FANK1: variants seen among roughly 807,000 people sequenced by gnomAD.
FANK1 encodes fibronectin type III and ankyrin repeat domains 1.
A neutral mutation model predicts 45.3 loss-of-function variants in FANK1; 44 were observed. That is an observed-to-expected ratio of 0.97 (90% CI 0.76 to 1.25). The LOEUF (loss-of-function observed/expected upper bound fraction) is 1.25. FANK1 is among the 50% of genes most tolerant of loss of function. The probability of loss-of-function intolerance (pLI) is 0.00; values close to 1 mark genes in which losing one functional copy is unlikely to be tolerated. For synonymous variants in FANK1, 149 were observed against 152.5 expected, an observed-to-expected ratio of 0.98 and a Z score of 0.17; for missense variants, 391 against 424.4, an observed-to-expected ratio of 0.92 and a Z score of 0.69.
At chr10:125,917,462 G>T (rs1946536300) in intron 1 of FANK1, among the ~76,000 whole-genome samples, 1 of 152,138 alleles carries the variant, frequency 6.6e-6, no homozygotes, top group South Asian at 2.1e-4. Flanking sequence ...TAAATTTGTT[G>T]TAGTCCTCTG....
At chr10:125,994,931 C>G in intron 3 of FANK1, 1 of 985,376 alleles carries the variant, frequency 1.0e-6, no homozygotes, top group Non-Finnish European at 1.2e-6. Flanking sequence ...CCTTCTGCCC[C>G]CAGAAGCTCA....
intron 1 of FANK1, among the ~76,000 whole-genome samples, chr10:125,918,093 A>T (rs1449483892): frequency 1.5e-4 from 22 of 149,254 alleles, no homozygotes; most frequent in Non-Finnish European, 1.5e-4. Context: ...AAAGAAAAAA[A>T]AAGGGTAGTT....
intron 1 of FANK1, among the ~76,000 whole-genome samples, chr10:125,929,571 T>G (rs1182495247): frequency 1.3e-5 from 2 of 152,180 alleles, no homozygotes; most frequent in African/African-American, 4.8e-5. Flanking sequence ...ATGATCTTTA[T>G]GAAAAATTTT....
chr10:125,943,806 A>T (rs956314990), intron 1 of FANK1, among the ~76,000 whole-genome samples: 3 of 152,262 alleles, frequency 2.0e-5, no homozygotes, highest in African/African-American at 7.2e-5. Flanking sequence ...CATGTAATGT[A>T]AAAGATAAAT....
chr10:126,009,085 T>G lies in FANK1; in HGVS notation c.881T>G (p.Val294Gly), dbSNP rs1335772836. The G allele has an allele frequency of 4.3e-6, 7 of 1,614,090 alleles. No individual in the cohort carries two copies. The highest frequency in any genetic ancestry group is 5.9e-6 in the Non-Finnish European group (7 of 1,180,048). Reference protein sequence around the residue: ...VAVLNNHEELVQLLLDKGADA... With the variant: ...VAVLNNHEELGQLLLDKGADA... Reference sequence around the variant, plus strand: ...GTGTTAAATAATCATGAAGAGTTAGTTCAGTTACTTCTTGACAAAGGGGCA... The same window carrying G: ...GTGTTAAATAATCATGAAGAGTTAGGTCAGTTACTTCTTGACAAAGGGGCA... The change falls in exon 9 of 11, where the codon GTT becomes GGT. Residue 294 changes from valine to glycine, a missense_variant. Physicochemically the swap from Val to Gly is moderately radical, Grantham distance 109. Transcript: ENST00000368693.
intron 1 of FANK1, chr10:125,972,674 T>G (rs912499426): frequency 2.0e-5 from 3 of 152,162 alleles, no homozygotes; most frequent in Non-Finnish European, 4.4e-5. Context: ...GATTTACATC[T>G]TGATGAGTTT....
At chr10:125,979,478 C>G (rs758553636) in intron 1 of FANK1, among the ~76,000 whole-genome samples, 4 of 152,154 alleles carry the variant, frequency 2.6e-5, no homozygotes, top group Non-Finnish European at 5.9e-5. Context: ...ATTCATATTT[C>G]ACTACAACTG....
intron 1 of FANK1, among the ~76,000 whole-genome samples, chr10:125,939,564 AAGTT>A (rs1200948740): frequency 1.1e-4 from 16 of 152,196 alleles, no homozygotes; most frequent in Non-Finnish European, 1.9e-4. Context: ...TTTTTGAAAT[AAGTT>A]AGAACAGTGA....
intron 1 of FANK1, among the ~76,000 whole-genome samples, chr10:125,937,156 G>A (rs1230930435): frequency 2.0e-5 from 3 of 152,110 alleles, no homozygotes; most frequent in South Asian, 2.1e-4. Context: ...TGAGTGTATC[G>A]CTAAAAGTGG....
Position 126,009,559 on chromosome 10 carries a change from C to A in FANK1, c.*121C>A. On this transcript the variant is annotated 3_prime_UTR_variant, in exon 11 of 11. Coordinates refer to ENST00000368693, the MANE Select transcript of FANK1 (RefSeq NM_145235.5). ...ATTTATTTATTTAGTTGAAGATTCA[C>A]TGATCCCACTTTGAAATACATCTTT... 2 of 1,022,462 alleles carry A rather than the reference C, an allele frequency of 2.0e-6. No homozygotes were observed. The highest frequency in any genetic ancestry group is 2.9e-6 in the Non-Finnish European group (2 of 696,888). 63.3% of individuals were successfully genotyped at this position (1,022,462 alleles called of 1,614,324 possible).
intron 1 of FANK1, among the ~76,000 whole-genome samples, chr10:125,908,206 G>A (rs1470143737): frequency 1.3e-5 from 2 of 152,104 alleles, no homozygotes; most frequent in Non-Finnish European, 2.9e-5. Flanking sequence ...ATGTTGGTCA[G>A]GCTGGTCTCG....
intron 1 of FANK1, among the ~76,000 whole-genome samples, chr10:125,901,928 C>T (rs1009245637): frequency 6.6e-6 from 1 of 152,254 alleles, no homozygotes; most frequent in Non-Finnish European, 1.5e-5. Flanking sequence ...TGAGACCAGT[C>T]TGGCCAACTG....
chr10:125,997,228 C>T (rs1018623005), intron 5 of FANK1, among the ~76,000 whole-genome samples, 192 bp from the exon 6 acceptor site: 1 of 152,162 alleles, frequency 6.6e-6, no homozygotes, highest in South Asian at 2.1e-4. Context: ...TAAAAGCCCA[C>T]ATTTCTGGAA....
intron 1 of FANK1, among the ~76,000 whole-genome samples, chr10:125,938,549 C>T (rs746007290): frequency 1.3e-5 from 2 of 152,172 alleles, no homozygotes; most frequent in African/African-American, 2.4e-5. Context: ...TGGTTTACAC[C>T]TGTAATCCCA....
chr10:125,950,786 A>T (rs1949157156), intron 1 of FANK1, among the ~76,000 whole-genome samples: 1 of 148,866 alleles, frequency 6.7e-6, no homozygotes, highest in Non-Finnish European at 1.5e-5. Context: ...ATAAAGACAC[A>T]TGCACACGTA....
At chr10:125,997,368 T>A in intron 5 of FANK1, 52 bp from the exon 6 acceptor site, 1 of 1,493,134 alleles carries the variant, frequency 6.7e-7, no homozygotes, top group Non-Finnish European at 9.3e-7. Context: ...TATTGTGGGT[T>A]CTGAGTGATC....
intron 7 of FANK1, among the ~76,000 whole-genome samples, 155 bp downstream of exon 7, chr10:126,005,204 T>G (rs1953090942): frequency 6.6e-6 from 1 of 152,092 alleles, no homozygotes. Flanking sequence ...AACCTTAGAA[T>G]GGACATGAGA....
chr10:125,905,752 G>T (rs1266445332), intron 1 of FANK1, among the ~76,000 whole-genome samples: 9 of 152,188 alleles, frequency 5.9e-5, no homozygotes, highest in African/African-American at 1.9e-4. Flanking sequence ...CTCAAAAAAT[G>T]AGCTTGGCTC....
Position 126,009,360 on chromosome 10 carries a change from T to C in FANK1, c.973-13T>C. 1 of 1,614,036 alleles carries C rather than the reference T, an allele frequency of 6.2e-7. No individual in the cohort carries two copies. Among genetic ancestry groups the C allele is most frequent in the Non-Finnish European group, 8.5e-7 (1 of 1,180,006 alleles). ...CCCTGGATTACATTCGCCTGTCTGT[T>C]TTGTTTATCTAGAGTGTAGTCTCCT... On this transcript the variant is annotated splice_polypyrimidine_tract_variant and intron_variant, in intron 10 of 10. Transcript: ENST00000368693.
Sources: gnomAD v4.1 joint callset for allele counts (sites outside exome capture counted in the v4.1 genomes callset) on GRCh38, gnomAD v4.1.1 for gene constraint, MANE v1.5 for transcripts, NCBI Gene and HGNC (gene_info 2026-07-23, HGNC 2026-07-21) for gene names.